The following ADAM22 variants were observed in gnomAD, a reference collection of about 807,000 sequenced individuals.
The protein encoded by ADAM22 is ADAM metallopeptidase domain 22.
ADAM22 carries 65 observed loss-of-function variants against 144.6 expected under a neutral mutation model. The ratio of observed to expected loss-of-function variants is 0.45; its 90% confidence interval spans 0.37 to 0.55. ADAM22 has a LOEUF of 0.55. Ranked by LOEUF, ADAM22 falls within the 20% of genes least tolerant of loss-of-function variation. The pLI is 0.00. For missense variants in ADAM22, 974 were observed against 1,184.9 expected (o/e 0.82, Z 2.61); for synonymous variants, 391 against 412.6 (o/e 0.95, Z 0.63).
intron 3 of ADAM22, among the ~76,000 whole-genome samples, chr7:88,073,460 C>T (rs1813372018): frequency 6.6e-6 from 1 of 152,166 alleles, no homozygotes; most frequent in Non-Finnish European, 1.5e-5. Flanking sequence ...TGAGCCAACC[C>T]TGGAACTGCC....
chr7:88,149,831 A>AT (rs1837793233), intron 18 of ADAM22, among the ~76,000 whole-genome samples: 1 of 152,086 alleles, frequency 6.6e-6, no homozygotes, highest in South Asian at 2.1e-4. Flanking sequence ...GAATTAAAGG[A>AT]TTTTATTTCT....
At chr7:88,061,839 C>CTTTTTT (rs60313970) in intron 3 of ADAM22, among the ~76,000 whole-genome samples, 1 of 112,032 alleles carries the variant, frequency 8.9e-6, no homozygotes. Flanking sequence ...CTCTCTCTCT[C>CTTTTTT]TTTTTTTTTT....
intron 13 of ADAM22, among the ~76,000 whole-genome samples, chr7:88,135,529 C>A (rs1479470276): frequency 6.6e-6 from 1 of 152,054 alleles, no homozygotes; most frequent in Admixed American, 6.6e-5. Context: ...GATTCTGAAA[C>A]CCTTCTGCCT....
chr7:88,132,335 A>C (rs1009417648), intron 11 of ADAM22: 1 of 152,298 alleles, frequency 6.6e-6, no homozygotes. Context: ...TCTATATTCA[A>C]ATTTCACCAA....
Position 88,040,595 on chromosome 7 carries a change from GTT to G in ADAM22, c.324-35022_324-35021del, listed in dbSNP as rs61245626. On this transcript the variant is annotated intron_variant, in intron 3 of 31. Coordinates refer to ENST00000413139, the MANE Select transcript of ADAM22 (RefSeq NM_001324418.2). Reference sequence around the variant, plus strand: ...AAAGAGAAAATTAAAATTTTATTTAGTTTTTTTTTTGTTTTGTTTTTCTATTG... The same window carrying G: ...AAAGAGAAAATTAAAATTTTATTTAGTTTTTTTTGTTTTGTTTTTCTATTG... Among the ~76,000 whole-genome samples, 719 of 150,512 alleles carry G rather than the reference GTT, an allele frequency of 4.8e-3. 10 individuals are homozygous for G. Among genetic ancestry groups the G allele is most frequent in the African/African-American group, 0.017 (681 of 41,092 alleles).
intron 31 of ADAM22, among the ~76,000 whole-genome samples, chr7:88,194,352 G>T (rs1044259400): frequency 6.6e-6 from 1 of 152,158 alleles, no homozygotes; most frequent in African/African-American, 2.4e-5. Flanking sequence ...GGCTGAGCAG[G>T]TGACCACAAA....
chr7:88,114,064 G>T (rs1827066402), intron 5 of ADAM22, among the ~76,000 whole-genome samples: 1 of 152,038 alleles, frequency 6.6e-6, no homozygotes, highest in Admixed American at 6.6e-5. Context: ...AAGATTAAAT[G>T]AGTGTAAAGT....
At chr7:88,132,544 G>A (rs1832067769) in intron 11 of ADAM22, 1 of 214,356 alleles carries the variant, frequency 4.7e-6, no homozygotes, top group South Asian at 7.1e-5. Flanking sequence ...TTATGGGAAT[G>A]CCTGATGTTA....
intron 2 of ADAM22, among the ~76,000 whole-genome samples, chr7:87,973,584 C>T (rs571008438): frequency 1.3e-5 from 2 of 152,116 alleles, no homozygotes; most frequent in African/African-American, 4.8e-5. Flanking sequence ...CATCCCATTA[C>T]TGGGTATATA....
chr7:88,083,962 C>G (rs1370363233), intron 4 of ADAM22, among the ~76,000 whole-genome samples: 1 of 152,064 alleles, frequency 6.6e-6, no homozygotes, highest in Non-Finnish European at 1.5e-5. Context: ...TTATTCCCAT[C>G]CCTTTTCATT....
chr7:87,975,194 C>A lies in ADAM22; in HGVS notation c.247-3142C>A, dbSNP rs112503949. On this transcript the variant is annotated intron_variant, in intron 2 of 31. Transcript: ENST00000413139. ...TCCTTCTGGAGGCCTTCTGAGACAC[C>A]CTTAGACCTCCATCTTCCCTGGTCA... Among the ~76,000 whole-genome samples, 1,071 of 152,210 alleles carry A rather than the reference C, an allele frequency of 7.0e-3. 12 individuals are homozygous for A. Among genetic ancestry groups the A allele is most frequent in the African/African-American group, 0.025 (1,025 of 41,524 alleles).
At chr7:88,078,358 A>G (rs1815313196) in intron 4 of ADAM22, among the ~76,000 whole-genome samples, 2 of 152,264 alleles carry the variant, frequency 1.3e-5, no homozygotes, top group African/African-American at 4.8e-5. Context: ...CATCACCATC[A>G]TCAAAGACCA....
At chr7:87,967,586 A>G (rs143322382) in intron 2 of ADAM22, among the ~76,000 whole-genome samples, 4,199 of 152,030 alleles carry the variant, frequency 0.028, 193 homozygotes, top group African/African-American at 0.096. Flanking sequence ...CGAGGCAGTC[A>G]GATCATGAGG....
intron 4 of ADAM22, among the ~76,000 whole-genome samples, chr7:88,097,335 A>G (rs1821655874): frequency 6.6e-6 from 1 of 151,528 alleles, no homozygotes; most frequent in Admixed American, 6.6e-5. Flanking sequence ...TATTTTTAGT[A>G]GAGACAGGGT....
intron 23 of ADAM22, among the ~76,000 whole-genome samples, chr7:88,164,672 C>T (rs892658382): frequency 6.6e-6 from 1 of 151,974 alleles, no homozygotes; most frequent in South Asian, 2.1e-4. Flanking sequence ...AATAATAGTG[C>T]CCACTTTAAA....
intron 25 of ADAM22, 126 bp downstream of exon 25, chr7:88,168,353 A>G: frequency 4.3e-6 from 4 of 934,972 alleles, no homozygotes; most frequent in Non-Finnish European, 6.9e-6. Context: ...AGCTTGGCTC[A>G]GCAGCCAGTC....
At chr7:87,957,091 C>G (rs1186536405) in intron 2 of ADAM22, among the ~76,000 whole-genome samples, 2 of 152,192 alleles carry the variant, frequency 1.3e-5, no homozygotes, top group Non-Finnish European at 2.9e-5. Flanking sequence ...CAGGATTCCT[C>G]ACAGGTAAGC....
At chr7:87,980,460 G>A (rs900568697) in intron 3 of ADAM22, among the ~76,000 whole-genome samples, 8 of 143,262 alleles carry the variant, frequency 5.6e-5, no homozygotes, top group African/African-American at 1.8e-4. Flanking sequence ...GAGCAGGAAC[G>A]TGAAGAACAA....
At chr7:87,970,664 A>G (rs1401703399) in intron 2 of ADAM22, among the ~76,000 whole-genome samples, 3 of 152,184 alleles carry the variant, frequency 2.0e-5, no homozygotes, top group African/African-American at 7.2e-5. Flanking sequence ...GCCCTGGTTC[A>G]TTGACTCTAG....
Sources: gnomAD v4.1 joint callset for allele counts (sites outside exome capture counted in the v4.1 genomes callset) on GRCh38, gnomAD v4.1.1 for gene constraint, MANE v1.5 for transcripts, NCBI Gene and HGNC (gene_info 2026-07-23, HGNC 2026-07-21) for gene names.